ARSJ: variants seen among roughly 807,000 people sequenced by gnomAD.
ARSJ encodes arylsulfatase family member J, also known as arylsulfatase J.
Under a neutral mutation model 35.9 loss-of-function variants are expected in ARSJ, and 26 were observed. The ratio of observed to expected loss-of-function variants is 0.72; its 90% CI spans 0.53 to 1.00. The LOEUF (loss-of-function observed/expected upper bound fraction) is 1.00. Ranked by LOEUF, ARSJ falls within the 50% of genes least tolerant of loss-of-function variation. The pLI is 0.00. For missense variants in ARSJ, 667 were observed against 723.6 expected (o/e 0.92, Z 0.90); for synonymous variants, 294 against 267.6 (o/e 1.10, Z -0.96).
chr4:113,919,670 G>A (rs1047162417), intron 1 of ARSJ, among the ~76,000 whole-genome samples: 1 of 152,130 alleles, frequency 6.6e-6, no homozygotes, highest in South Asian at 2.1e-4. Context: ...TTGGGAAGGG[G>A]CAGTGTGTGA....
chr4:113,978,802 A>G lies in ARSJ; in HGVS notation c.33T>C (p.Pro11=). 6.2e-7 allele frequency: 1 copy of G among 1,612,790 alleles called. No homozygotes were observed. The highest frequency in any genetic ancestry group is 8.5e-7 in the Non-Finnish European group (1 of 1,179,334). The change falls in exon 1 of 2, where the codon CCT becomes CCC. Residue 11 remains proline, a synonymous_variant. Coordinates refer to ENST00000315366, the MANE Select transcript of ARSJ (RefSeq NM_024590.4). MAPRGCAGHP[P]PPSPQACVCP... ...AGACACAGGCCTGTGGAGAAGGCGG[A>G]GGCGGATGCCCCGCACAGCCCCTGG...
chr4:113,971,772 A>G (rs985015508), intron 1 of ARSJ, among the ~76,000 whole-genome samples: 1 of 152,226 alleles, frequency 6.6e-6, no homozygotes, highest in Non-Finnish European at 1.5e-5. Context: ...TAACTAATGT[A>G]ATTTATATTT....
intron 1 of ARSJ, among the ~76,000 whole-genome samples, chr4:113,940,456 A>G (rs1249042481): frequency 6.6e-6 from 1 of 152,058 alleles, no homozygotes; most frequent in African/African-American, 2.4e-5. Flanking sequence ...ACATGAACAT[A>G]ATGAGGGGAA....
rs181133942 is a variant in ARSJ, at chr4:113,968,499, G to A, written c.398+9938C>T. On this transcript the variant is annotated intron_variant, in intron 1 of 1. Coordinates refer to ENST00000315366, the MANE Select transcript of ARSJ (RefSeq NM_024590.4). ...AGAAAAGCATTGGTGAGGAGATGAG[G>A]GTGGTAGAGAGTCTAGAAAGATGCA... 1.6e-4 allele frequency among the ~76,000 whole-genome samples: 25 copies of A among 152,190 alleles called. No homozygotes were observed. In the East Asian group the frequency reaches 4.6e-3, roughly 28 times the overall value.
Position 113,903,407 on chromosome 4 carries a change from A to G in ARSJ, c.667T>C (p.Tyr223His), listed in dbSNP as rs1439041997. 2 of 1,614,084 alleles carry G rather than the reference A, an allele frequency of 1.2e-6. No individual in the cohort carries two copies. Among genetic ancestry groups the G allele is most frequent in the Non-Finnish European group, 1.7e-6 (2 of 1,180,036 alleles). The change falls in exon 2 of 2, where the codon TAT becomes CAT. Residue 223 changes from tyrosine (Y) to histidine (H), a missense_variant. Physicochemically the swap from Tyr to His is moderately conservative, Grantham distance 83. Transcript: ENST00000315366. The stretch of plus-strand genomic sequence containing the variant: ...TCCCAGGCAGCATTGTCGTTTTCAT[A>G]CAAGTCATAGCCACACATCCCAGGA... Reference protein sequence around the residue: ...DSPGMCGYDLYENDNAAWDYD... With the variant: ...DSPGMCGYDLHENDNAAWDYD...
chr4:113,978,430 C>A lies in ARSJ; in HGVS notation c.398+7G>T. The A allele has an allele frequency of 6.4e-7, 1 of 1,573,672 alleles. No homozygotes were observed. ...AAGGAATAAATATAAGAAGTAGGAA[C>A]ACTTACTTTCCAGTAATAAACTGAC... is the stretch of plus-strand genomic sequence containing the variant. On this transcript the variant is annotated splice_region_variant and intron_variant, in intron 1 of 1. Transcript: ENST00000315366.
chr4:113,974,116 T>G (rs1338458246), intron 1 of ARSJ, among the ~76,000 whole-genome samples: 1 of 152,180 alleles, frequency 6.6e-6, no homozygotes, highest in Non-Finnish European at 1.5e-5. Context: ...AACTCTCATT[T>G]ACACCATACT....
Position 113,969,278 on chromosome 4 carries a change from T to C in ARSJ, c.398+9159A>G, listed in dbSNP as rs141209970. The stretch of plus-strand genomic sequence containing the variant: ...AAAAAATACACCCCAGTCACCTTTT[T>C]GGACATCTCAGAACTAACAATATCA... On this transcript the variant is annotated intron_variant, in intron 1 of 1. Transcript: ENST00000315366. Among the ~76,000 whole-genome samples the C allele has an allele frequency of 3.0e-3, 450 of 152,292 alleles. 4 individuals carry two copies. The highest frequency in any genetic ancestry group is 0.01 in the African/African-American group (422 of 41,550).
intron 1 of ARSJ, among the ~76,000 whole-genome samples, chr4:113,932,307 A>T (rs1469710783): frequency 6.6e-6 from 1 of 152,064 alleles, no homozygotes; most frequent in African/African-American, 2.4e-5. Flanking sequence ...TAGACAAATT[A>T]TCCAGATAGA....
rs1284048345 is a variant in ARSJ, at chr4:113,902,751, C to A, written c.1323G>T (p.Trp441Cys). 2 of 1,614,206 alleles carry A rather than the reference C, an allele frequency of 1.2e-6. No individual in the cohort carries two copies. The highest frequency in any genetic ancestry group is 3.3e-5 in the Admixed American group (2 of 60,024). ...NGSWAAGYGI[W>C]NTAIQSAIRV... ...TGATGGCTGACTGGATTGCAGTGTT[C>A]CAGATCCCATAGCCTGCTGCCCAGG... The change falls in exon 2 of 2, where the codon TGG (tryptophan) becomes TGT (cysteine). Residue 441 changes from tryptophan (W) to cysteine (C), a missense_variant. Transcript: ENST00000315366.
At chr4:113,948,136 C>T (rs750383580) in intron 1 of ARSJ, among the ~76,000 whole-genome samples, 1 of 152,064 alleles carries the variant, frequency 6.6e-6, no homozygotes, top group Non-Finnish European at 1.5e-5. Flanking sequence ...TTGCAGCCAG[C>T]CGAGATTGTG....
chr4:113,937,458 C>T (rs930059553), intron 1 of ARSJ, among the ~76,000 whole-genome samples: 25 of 152,042 alleles, frequency 1.6e-4, no homozygotes, highest in African/African-American at 6.0e-4. Flanking sequence ...AAGCTGGAAG[C>T]ATTCTCCTTG....
At chr4:113,959,225 T>G (rs550039699) in intron 1 of ARSJ, among the ~76,000 whole-genome samples, 4 of 152,156 alleles carry the variant, frequency 2.6e-5, no homozygotes, top group Middle Eastern at 3.4e-3. Context: ...GCCAACAGCA[T>G]ACTGTGGGGG....
intron 1 of ARSJ, among the ~76,000 whole-genome samples, chr4:113,963,546 C>T (rs1049605528): frequency 2.6e-5 from 4 of 152,036 alleles, no homozygotes; most frequent in African/African-American, 9.7e-5. Flanking sequence ...CAATTACCTG[C>T]TGCAGGGTCC....
intron 1 of ARSJ, among the ~76,000 whole-genome samples, chr4:113,955,814 ACCTTGTGGTGC>A (rs1193744884): frequency 1.3e-5 from 2 of 152,058 alleles, no homozygotes; most frequent in Non-Finnish European, 2.9e-5. Context: ...AGCTTCTGCT[ACCTTGTGGTGC>A]CTCTCTGAAA....
rs557929084 is a variant in ARSJ, at chr4:113,936,645, GCAGCATGCATCCCTGT to G, written c.399-32986_399-32971del. 2.6e-5 allele frequency among the ~76,000 whole-genome samples: 4 copies of G among 151,772 alleles called. No individual in the cohort carries two copies. The South Asian group carries it at 8.3e-4, about 32-fold the overall frequency. ...TTAGTTATTAAAAATATTTTAAAAG[GCAGCATGCATCCCTGT>G]CAAATCAGAATCAGATTCATCGTAG... On this transcript the variant is annotated intron_variant, in intron 1 of 1. Transcript: ENST00000315366.
At chr4:113,942,450 C>T (rs1725215687) in intron 1 of ARSJ, among the ~76,000 whole-genome samples, 1 of 151,952 alleles carries the variant, frequency 6.6e-6, no homozygotes, top group Non-Finnish European at 1.5e-5. Flanking sequence ...GTCACAAATG[C>T]CTATTTCCTC....
At chr4:113,966,968 T>C (rs539487394) in intron 1 of ARSJ, among the ~76,000 whole-genome samples, 1 of 152,152 alleles carries the variant, frequency 6.6e-6, no homozygotes, top group African/African-American at 2.4e-5. Flanking sequence ...AAGCATATCA[T>C]GGTATCTCCT....
chr4:113,917,457 T>C (rs1160771562), intron 1 of ARSJ, among the ~76,000 whole-genome samples: 2 of 152,172 alleles, frequency 1.3e-5, no homozygotes, highest in African/African-American at 2.4e-5. Flanking sequence ...TGAAAATGCA[T>C]GTAAAAGTGC....
Sources: gnomAD v4.1 joint callset for allele counts (sites outside exome capture counted in the v4.1 genomes callset) on GRCh38, gnomAD v4.1.1 for gene constraint, MANE v1.5 for transcripts, NCBI Gene and HGNC (gene_info 2026-07-23, HGNC 2026-07-21) for gene names.